The following PCDH11X variants were observed in gnomAD, a reference collection of about 807,000 sequenced individuals.
The protein encoded by PCDH11X is protocadherin 11 X-linked.
Under a neutral mutation model 53.3 loss-of-function variants are expected in PCDH11X, and 18 were observed. The observed-to-expected ratio is 0.34, with a 90% confidence interval of 0.23 to 0.50. PCDH11X has a LOEUF of 0.50. Ranked by LOEUF, PCDH11X falls within the 20% of genes least tolerant of loss-of-function variation. PCDH11X has a pLI of 0.98. For synonymous variants in PCDH11X, 279 were observed against 393.3 expected (o/e 0.71, Z 3.44); for missense variants, 570 against 1,032.4 (o/e 0.55, Z 6.14).
intron 8 of PCDH11X, among the ~76,000 whole-genome samples, chrX:92,283,358 T>A (rs1177465585): frequency 9.0e-6 from 1 of 111,366 alleles, no homozygotes; most frequent in Non-Finnish European, 1.9e-5. Context: ...CCTTTAATAT[T>A]GCTGCTAAGT....
At chrX:92,374,136 T>C (rs893249542) in intron 8 of PCDH11X, among the ~76,000 whole-genome samples, 1 of 108,964 alleles carries the variant, frequency 9.2e-6, no homozygotes, top group African/African-American at 3.3e-5. Flanking sequence ...TGGTTTCATA[T>C]AGTCTTTATG....
At chrX:91,956,039 G>C (rs1010910346) in intron 6 of PCDH11X, among the ~76,000 whole-genome samples, 1 of 109,555 alleles carries the variant, frequency 9.1e-6, no homozygotes, top group Non-Finnish European at 1.9e-5. Context: ...AATCCATATT[G>C]GTTTAAAGTC....
chrX:92,465,532 G>A (rs955413338), intron 9 of PCDH11X, among the ~76,000 whole-genome samples: 4 of 111,695 alleles, frequency 3.6e-5, no homozygotes, highest in African/African-American at 1.3e-4. Flanking sequence ...AATGATGCAT[G>A]GTACTTGATC....
In PCDH11X at chrX:92,263,159, T is replaced by G. The variant is rs765350625; in HGVS notation, c.3144+16T>G. 1.2e-5 allele frequency: 14 copies of G among 1,163,873 alleles called. No individual in the cohort carries two copies. The East Asian group carries it at 4.0e-4, about 33-fold the overall frequency. On this transcript the variant is annotated intron_variant, in intron 8 of 10. Coordinates refer to ENST00000682573, the MANE Select transcript of PCDH11X (RefSeq NM_032968.5). ...GGCAGGAAAGGTAAGACTGCAAATTTCAAAGAAAATTGATTTTGAAATGTT... is the reference window on the plus strand; with the variant it reads ...GGCAGGAAAGGTAAGACTGCAAATTGCAAAGAAAATTGATTTTGAAATGTT...
intron 6 of PCDH11X, among the ~76,000 whole-genome samples, chrX:92,018,986 G>A (rs757291955): frequency 8.1e-5 from 9 of 111,778 alleles, no homozygotes; most frequent in African/African-American, 2.3e-4. Context: ...CAGATTTAGA[G>A]GGTAAGATGG....
At chrX:92,343,160 A>G (rs1271209702) in intron 8 of PCDH11X, among the ~76,000 whole-genome samples, 3 of 112,321 alleles carry the variant, frequency 2.7e-5, no homozygotes, top group East Asian at 2.9e-4. Context: ...GGCAAAGTCC[A>G]TTTTCAAAAT....
intron 6 of PCDH11X, among the ~76,000 whole-genome samples, chrX:92,105,761 G>A (rs887291087): frequency 2.0e-4 from 22 of 109,647 alleles, no homozygotes; most frequent in Middle Eastern, 4.7e-3. Flanking sequence ...GGCAAGGACC[G>A]GCCATTTACA....
intron 6 of PCDH11X, chrX:91,879,933 TCTGGATAG>T: frequency 1.4e-6 from 1 of 710,734 alleles, no homozygotes; most frequent in African/African-American, 3.3e-5. Flanking sequence ...ATATGAGGTC[TCTGGATAG>T]CTATTTAAAT....
At chrX:92,113,620 G>T (rs2064568780) in intron 6 of PCDH11X, 25 of 1,198,149 alleles carry the variant, frequency 2.1e-5, no homozygotes, top group Non-Finnish European at 2.7e-5. Context: ...CTTCCTCCGG[G>T]TATTGATGAA....
In PCDH11X at chrX:92,527,702, A is replaced by G. The variant is rs115688151; in HGVS notation, c.3367+59380A>G. On this transcript the variant is annotated intron_variant, in intron 10 of 10. Coordinates refer to ENST00000682573, the MANE Select transcript of PCDH11X (RefSeq NM_032968.5). ...ATACTTTTTAAAAGAGCAACGCATA[A>G]AATATATTCTCCTATTTAAAAATCC... 8.3e-3 allele frequency among the ~76,000 whole-genome samples: 922 copies of G among 111,531 alleles called. 6 individuals carry two copies. Among genetic ancestry groups the G allele is most frequent in the African/African-American group, 0.028 (864 of 30,651 alleles).
rs1924660476 is a variant in PCDH11X, at chrX:92,588,571, G to A, written c.3368-29693G>A. Among the ~76,000 whole-genome samples, 5 of 109,068 alleles carry A rather than the reference G, an allele frequency of 4.6e-5. No individual in the cohort carries two copies. The South Asian group carries it at 2.0e-3, about 43-fold the overall frequency. 94.7% of individuals were successfully genotyped at this position (109,068 alleles called of 115,157 possible). On this transcript the variant is annotated intron_variant, in intron 10 of 10. Coordinates refer to ENST00000682573, the MANE Select transcript of PCDH11X (RefSeq NM_032968.5). ...ATTGATCAAATAGAAGAGAGAATTA[G>A]TGAGCCTGAAGTCAGACTGTATGAA... is the stretch of plus-strand genomic sequence containing the variant.
intron 9 of PCDH11X, among the ~76,000 whole-genome samples, chrX:92,428,892 G>A (rs1047228035): frequency 1.8e-5 from 2 of 111,024 alleles, no homozygotes; most frequent in Non-Finnish European, 3.8e-5. Context: ...TTTCAATAAA[G>A]CAAGAGGGGA....
chrX:92,101,336 G>A (rs1444184153), intron 6 of PCDH11X, among the ~76,000 whole-genome samples: 2 of 111,584 alleles, frequency 1.8e-5, no homozygotes, highest in Non-Finnish European at 3.8e-5. Flanking sequence ...CTATACAGGA[G>A]CTTAAATGGG....
chrX:92,589,016 T>C (rs774501723), intron 10 of PCDH11X, among the ~76,000 whole-genome samples: 3 of 110,844 alleles, frequency 2.7e-5, no homozygotes, highest in South Asian at 3.8e-4. Context: ...TAAGACAAAT[T>C]TGAAGTGCTA....
intron 6 of PCDH11X, among the ~76,000 whole-genome samples, chrX:92,068,147 T>C (rs988159382): frequency 3.6e-5 from 4 of 109,605 alleles, no homozygotes; most frequent in Admixed American, 9.8e-5. Context: ...TCATTTCAAG[T>C]TCATTTAATT....
intron 1 of PCDH11X, among the ~76,000 whole-genome samples, chrX:91,806,893 G>C (rs1404086184): frequency 8.9e-6 from 1 of 111,932 alleles, no homozygotes; most frequent in African/African-American, 3.2e-5. Context: ...TAAAGATAAA[G>C]TTTTTCTATT....
rs762340984 is a variant in PCDH11X at position 92,129,906 on chromosome X, C to T, written c.3034-71469C>T. On this transcript the variant is annotated intron_variant, in intron 6 of 10. Transcript: ENST00000682573. ...ATTTGGGGGTAGTGTGTTTTTAACC[C>T]CAACAACATCATTCTGTGAGATAGT... Among the ~76,000 whole-genome samples the T allele has an allele frequency of 4.5e-5, 5 of 111,336 alleles. 1 individual carries two copies. The South Asian group carries it at 1.9e-3, about 42-fold the overall frequency.
intron 6 of PCDH11X, among the ~76,000 whole-genome samples, chrX:91,904,540 G>T (rs755410028): frequency 1.8e-5 from 2 of 110,952 alleles, no homozygotes; most frequent in Non-Finnish European, 3.8e-5. Flanking sequence ...ATTGTAGAAC[G>T]TTTGAAAAAT....
chrX:92,113,921 G>A, intron 6 of PCDH11X: 1 of 1,204,527 alleles, frequency 8.3e-7, no homozygotes, highest in Non-Finnish European at 1.1e-6. Context: ...GCTTCATCCA[G>A]TACAAACATC....
Sources: gnomAD v4.1 joint callset for allele counts (sites outside exome capture counted in the v4.1 genomes callset) on GRCh38, gnomAD v4.1.1 for gene constraint, MANE v1.5 for transcripts, NCBI Gene and HGNC (gene_info 2026-07-23, HGNC 2026-07-21) for gene names.